Variants in DLG1 observed in about 807,000 individuals in gnomAD.
DLG1 encodes discs large MAGUK scaffold protein 1.
A neutral mutation model predicts 123.4 loss-of-function variants in DLG1; 42 were observed. The observed-to-expected ratio is 0.34, with a 90% CI of 0.27 to 0.44. The LOEUF is 0.44. Ranked by LOEUF, DLG1 falls within the 20% of genes least tolerant of loss-of-function variation. The probability of loss-of-function intolerance (pLI) is 1.00; values close to 1 mark genes in which losing one functional copy is unlikely to be tolerated. For synonymous variants in DLG1, 317 were observed against 356.2 expected, an observed-to-expected ratio of 0.89 and a Z score of 1.24; for missense variants, 942 against 1,082.6, an observed-to-expected ratio of 0.87 and a Z score of 1.82.
chr3:197,066,974 T>A (rs980052248), intron 19 of DLG1, among the ~76,000 whole-genome samples: 1 of 152,138 alleles, frequency 6.6e-6, no homozygotes, highest in Non-Finnish European at 1.5e-5. Flanking sequence ...ATGGGCTATA[T>A]AATCAATATT....
chr3:197,124,136 T>G (rs1273550691), intron 11 of DLG1, among the ~76,000 whole-genome samples: 2 of 152,162 alleles, frequency 1.3e-5, no homozygotes, highest in Admixed American at 6.5e-5. Context: ...AAGGCTGATG[T>G]GGGAGGATGG....
intron 4 of DLG1, among the ~76,000 whole-genome samples, chr3:197,275,648 G>C (rs1162910242): frequency 6.6e-6 from 1 of 152,208 alleles, no homozygotes; most frequent in Non-Finnish European, 1.5e-5. Context: ...ACAAAGAAAG[G>C]CAAATATCAC....
intron 3 of DLG1, among the ~76,000 whole-genome samples, chr3:197,288,743 A>AAAAAACATAC (rs1553827364): frequency 4.2e-5 from 3 of 72,078 alleles, no homozygotes; most frequent in Admixed American, 1.7e-4. Flanking sequence ...AAAAAAAAAA[A>AAAAAACATAC]ATACATACAT....
chr3:197,296,438 G>A lies in DLG1; in HGVS notation c.59C>T (p.Ser20Leu), dbSNP rs761550433. The A allele has an allele frequency of 1.9e-6, 3 of 1,613,662 alleles. No homozygotes were observed. Among genetic ancestry groups the A allele is most frequent in the South Asian group, 2.2e-5 (2 of 91,068 alleles). ...TCTGTCTTCAGTTTGGCTTAGTTTT[G>A]AACGATATTCCTCCAAAAGGTGCAA... is the stretch of plus-strand genomic sequence containing the variant. ...RALHLLEEYR[S>L]KLSQTEDRQL... The change falls in exon 3 of 25, where the codon TCA becomes TTA. Residue 20 changes from serine to leucine, a missense_variant. Transcript: ENST00000667157.
chr3:197,140,225 C>A lies in DLG1; in HGVS notation c.628G>T (p.Asp210Tyr), dbSNP rs753426047. 1 of 1,613,302 alleles carries A rather than the reference C, an allele frequency of 6.2e-7. No individual in the cohort carries two copies. The highest frequency in any genetic ancestry group is 8.5e-7 in the Non-Finnish European group (1 of 1,179,558). Residue 210 changes from aspartate (D) to tyrosine (Y), a missense_variant, in exon 8 of 25, where the codon GAC (aspartate) becomes TAC (tyrosine). Transcript: ENST00000667157. The stretch of plus-strand genomic sequence containing the variant: ...GAGTCATCTCCAATGTGTGGGTTGT[C>A]CGTACCTCCTGCAATGCTGAAACCA... ...GLGFSIAGGT[D>Y]NPHIGDDSSI...
At chr3:197,130,024 G>A (rs1200203249) in intron 11 of DLG1, among the ~76,000 whole-genome samples, 1 of 152,148 alleles carries the variant, frequency 6.6e-6, no homozygotes, top group Non-Finnish European at 1.5e-5. Context: ...GACATGAAGT[G>A]AGAACATGTT....
intron 17 of DLG1, 167 bp downstream of exon 17, chr3:197,080,880 TGGAA>T (rs1263610841): frequency 2.0e-6 from 1 of 501,592 alleles, no homozygotes; most frequent in African/African-American, 2.0e-5. Flanking sequence ...TTTGATAATT[TGGAA>T]GGGTCTGTGA....
intron 1 of DLG1, chr3:197,297,572 C>T (rs1477772544): frequency 1.9e-6 from 2 of 1,044,788 alleles, no homozygotes; most frequent in Admixed American, 1.1e-4. Context: ...GGGTGAAGCG[C>T]TCCGACCCTT....
chr3:197,076,787 T>C lies in DLG1; in HGVS notation c.1906-102A>G. ...TGGAAGCTGACTCCTATGACCACAG[T>C]GTGCAGTTTGTATATGATTTTTACT... On this transcript the variant is annotated intron_variant, in intron 17 of 24. Coordinates refer to ENST00000667157, the MANE Select transcript of DLG1 (RefSeq NM_001366207.1). The C allele has an allele frequency of 3.2e-6, 2 of 629,602 alleles. 1 individual carries two copies. Among genetic ancestry groups the C allele is most frequent in the South Asian group, 4.6e-5 (2 of 43,698 alleles). 39.0% of individuals were successfully genotyped at this position (629,602 alleles called of 1,614,324 possible).
intron 14 of DLG1, among the ~76,000 whole-genome samples, chr3:197,097,580 CTTTTTTTTTT>C (rs3051908): frequency 8.1e-6 from 1 of 122,856 alleles, no homozygotes; most frequent in East Asian, 2.4e-4. Context: ...TTTGTACTTT[CTTTTTTTTTT>C]TTTTTTTTGA....
At chr3:197,156,331 A>C (rs188622092) in intron 5 of DLG1, among the ~76,000 whole-genome samples, 22 of 152,354 alleles carry the variant, frequency 1.4e-4, no homozygotes, top group South Asian at 2.1e-4. Context: ...AAGAAAGTTA[A>C]ATGTTTCACT....
At chr3:197,235,819 A>G (rs889886180) in intron 4 of DLG1, among the ~76,000 whole-genome samples, 3 of 152,260 alleles carry the variant, frequency 2.0e-5, no homozygotes, top group Non-Finnish European at 2.9e-5. Context: ...TAATAGACTT[A>G]GAAATGCAAA....
intron 3 of DLG1, among the ~76,000 whole-genome samples, chr3:197,291,615 C>T (rs897741860): frequency 6.6e-6 from 1 of 152,156 alleles, no homozygotes; most frequent in Admixed American, 6.5e-5. Flanking sequence ...GATTAAAATA[C>T]TCAGTTCTGA....
At chr3:197,215,237 T>C (rs1733502265) in intron 4 of DLG1, among the ~76,000 whole-genome samples, 2 of 152,118 alleles carry the variant, frequency 1.3e-5, no homozygotes, top group Admixed American at 1.3e-4. Context: ...ACATAAGTAA[T>C]AGTTCAGAAA....
chr3:197,077,260 C>T (rs1747905518), intron 17 of DLG1, among the ~76,000 whole-genome samples: 1 of 151,322 alleles, frequency 6.6e-6, no homozygotes, highest in Non-Finnish European at 1.5e-5. Flanking sequence ...TACACATATA[C>T]ATATTCTTGG....
intron 23 of DLG1, among the ~76,000 whole-genome samples, 165 bp from the exon 24 acceptor site, chr3:197,051,833 ATTTTT>A (rs35979905): frequency 2.2e-4 from 20 of 90,252 alleles, no homozygotes; most frequent in African/African-American, 6.6e-4. Flanking sequence ...ATTTCTGGGA[ATTTTT>A]TTTTTTTTTT....
At chr3:197,145,053 T>A (rs569311958) in intron 6 of DLG1, among the ~76,000 whole-genome samples, 19,148 of 140,944 alleles carry the variant, frequency 0.14, 1,645 homozygotes, top group African/African-American at 0.27. Flanking sequence ...TCTCTCTCTC[T>A]CTCACACACA....
At chr3:197,064,253 G>T (rs544428122) in intron 22 of DLG1, among the ~76,000 whole-genome samples, 1 of 151,528 alleles carries the variant, frequency 6.6e-6, no homozygotes, top group African/African-American at 2.4e-5. Context: ...GAGTGCAACG[G>T]CACGACCTCG....
intron 4 of DLG1, among the ~76,000 whole-genome samples, chr3:197,253,924 T>TA (rs533885468): frequency 0.017 from 2,508 of 144,128 alleles, 68 homozygotes; most frequent in African/African-American, 0.057. Flanking sequence ...AAGGTTTAAT[T>TA]AAAAAAAAAA....
Sources: allele counts gnomAD v4.1 joint callset (sites outside exome capture counted in the v4.1 genomes callset), GRCh38; gene constraint gnomAD v4.1.1; transcripts MANE v1.5; gene names NCBI Gene and HGNC (gene_info 2026-07-23, HGNC 2026-07-21).